Variants in FGF13 observed in about 807,000 individuals in gnomAD.
The protein encoded by FGF13 is fibroblast growth factor 13, also known as fibroblast growth factor homologous factor 2.
Under a neutral mutation model 19.5 loss-of-function variants are expected in FGF13, and 2 were observed. That is an observed-to-expected ratio of 0.10 (90% CI 0.04 to 0.32). The LOEUF is 0.32. Among genes scored for constraint, FGF13 ranks in the 10% least tolerant of loss-of-function variants. FGF13 has a pLI of 1.00. For missense variants in FGF13, 113 were observed against 192.7 expected, an observed-to-expected ratio of 0.59 and a Z score of 2.45; for synonymous variants, 72 against 76.9, an observed-to-expected ratio of 0.94 and a Z score of 0.33.
At position 138,752,600 on chromosome X, in the gene FGF13, C is replaced by T. The variant is rs775519315; in HGVS notation, c.218-43672G>A. ...ACATACATAAATATGCACACTCAGG[C>T]AGAGGTGTGTGATCAGAAAGTTTAT... On this transcript the variant is annotated intron_variant, in intron 3 of 6. Coordinates refer to the FGF13 transcript ENST00000436198. Among the ~76,000 whole-genome samples, 3 of 111,721 alleles carry T rather than the reference C, an allele frequency of 2.7e-5. No homozygotes were observed. The East Asian group carries it at 8.5e-4, about 32-fold the overall frequency.
intron 1 of FGF13, among the ~76,000 whole-genome samples, chrX:138,991,218 A>C (rs1372841186): frequency 8.9e-6 from 1 of 112,407 alleles, no homozygotes; most frequent in Non-Finnish European, 1.9e-5. Context: ...AAATATTATT[A>C]ATGATTACAG....
At chrX:139,066,866 C>G (rs1007356011) in intron 1 of FGF13, among the ~76,000 whole-genome samples, 10 of 110,841 alleles carry the variant, frequency 9.0e-5, no homozygotes, top group African/African-American at 1.3e-4. Flanking sequence ...GATGAACATC[C>G]ATGCGAAAAT....
intron 2 of FGF13, among the ~76,000 whole-genome samples, chrX:138,858,784 G>T (rs1163490262): frequency 9.0e-6 from 1 of 111,595 alleles, no homozygotes; most frequent in African/African-American, 3.3e-5. Flanking sequence ...ATAAACAAAT[G>T]GTGGCTGAAT....
chrX:138,938,091 T>C (rs944241716), intron 1 of FGF13, among the ~76,000 whole-genome samples: 2 of 111,367 alleles, frequency 1.8e-5, no homozygotes, highest in African/African-American at 6.5e-5. Flanking sequence ...GGTGACAACA[T>C]AGGCATATTA....
At chrX:139,110,211 C>A (rs1201696193) in intron 1 of FGF13, among the ~76,000 whole-genome samples, 1 of 108,659 alleles carries the variant, frequency 9.2e-6, no homozygotes, top group Non-Finnish European at 1.9e-5. Flanking sequence ...ATCTTATGTA[C>A]ATATAATGTA....
At chrX:138,895,733 G>T (rs1260840562) in intron 1 of FGF13, among the ~76,000 whole-genome samples, 2 of 111,988 alleles carry the variant, frequency 1.8e-5, no homozygotes, top group Non-Finnish European at 1.9e-5. Context: ...ATTCACAATA[G>T]GCAAGATAAG....
At chrX:139,148,278 T>C (rs2083906872) in intron 1 of FGF13, among the ~76,000 whole-genome samples, 1 of 111,326 alleles carries the variant, frequency 9.0e-6, no homozygotes, top group Non-Finnish European at 1.9e-5. Flanking sequence ...GTTTCCTCAC[T>C]CCACACCCAC....
chrX:139,177,774 T>A (rs2084201115), intron 1 of FGF13, among the ~76,000 whole-genome samples: 1 of 111,494 alleles, frequency 9.0e-6, no homozygotes, highest in African/African-American at 3.3e-5. Flanking sequence ...CACTGGGGTA[T>A]GAAAAAGAAC....
chrX:138,737,960 C>G (rs747273229), intron 1 of FGF13, among the ~76,000 whole-genome samples: 2 of 112,441 alleles, frequency 1.8e-5, no homozygotes, highest in South Asian at 7.4e-4. Context: ...CGATTTTCAT[C>G]ACTAATATTG....
chrX:138,970,295 C>A (rs370626579), intron 1 of FGF13, among the ~76,000 whole-genome samples: 1 of 111,103 alleles, frequency 9.0e-6, no homozygotes, highest in East Asian at 2.8e-4. Flanking sequence ...AATAATTAAG[C>A]GGAGGAAGAG....
chrX:138,860,777 C>T (rs1255719588), intron 2 of FGF13, among the ~76,000 whole-genome samples: 1 of 112,312 alleles, frequency 8.9e-6, no homozygotes, highest in Non-Finnish European at 1.9e-5. Flanking sequence ...TCTGGAAGCC[C>T]CATGCTTTTT....
intron 1 of FGF13, among the ~76,000 whole-genome samples, chrX:138,978,266 G>GTTTTTTTGTTTTTTGTTTTT (rs2091947991): frequency 1.2e-5 from 1 of 82,917 alleles, no homozygotes; most frequent in African/African-American, 4.9e-5. Flanking sequence ...AGCTGCCCTG[G>GTTTTTTTGTTTTTTGTTTTT]TTTTTTTTTT....
intron 1 of FGF13, among the ~76,000 whole-genome samples, chrX:138,723,074 A>G (rs773672428): frequency 9.8e-6 from 1 of 102,325 alleles, no homozygotes; most frequent in South Asian, 4.4e-4. Flanking sequence ...CAGCTAATGG[A>G]TGGTGGAAGT....
chrX:138,658,917 T>TA (rs772769872), intron 3 of FGF13, among the ~76,000 whole-genome samples: 1 of 112,131 alleles, frequency 8.9e-6, no homozygotes, highest in Admixed American at 9.5e-5. Flanking sequence ...TTCTGACAAA[T>TA]ACCTCAAATT....
At chrX:139,013,482 TA>T (rs1306520290) in intron 1 of FGF13, among the ~76,000 whole-genome samples, 1 of 679 alleles carries the variant, frequency 1.5e-3, no homozygotes, top group African/African-American at 2.6e-3. Context: ...GAAAATTTTA[TA>T]TATATATATA....
intron 3 of FGF13, among the ~76,000 whole-genome samples, chrX:138,816,197 A>T (rs1021146364): frequency 8.9e-5 from 10 of 111,929 alleles, no homozygotes; most frequent in African/African-American, 3.2e-4. Flanking sequence ...TATGAAAATA[A>T]GTCACAAGAG....
intron 1 of FGF13, among the ~76,000 whole-genome samples, chrX:138,886,383 A>C (rs1312072998): frequency 8.9e-6 from 1 of 112,533 alleles, no homozygotes; most frequent in East Asian, 2.8e-4. Flanking sequence ...TTTATGAACA[A>C]AGTCAATACT....
intron 1 of FGF13, among the ~76,000 whole-genome samples, chrX:138,723,366 C>T (rs754408218): frequency 8.9e-6 from 1 of 111,963 alleles, no homozygotes; most frequent in East Asian, 2.8e-4. Context: ...ATGGTCATTG[C>T]AGTAATTTCT....
chrX:139,073,624 G>A (rs368427393), intron 1 of FGF13, among the ~76,000 whole-genome samples: 1 of 111,592 alleles, frequency 9.0e-6, no homozygotes, highest in Non-Finnish European at 1.9e-5. Flanking sequence ...GAAGTGATTG[G>A]ACAGCCCCAT....
Sources: gnomAD v4.1 joint callset for allele counts (sites outside exome capture counted in the v4.1 genomes callset) on GRCh38, gnomAD v4.1.1 for gene constraint, MANE v1.5 for transcripts, NCBI Gene and HGNC (gene_info 2026-07-23, HGNC 2026-07-21) for gene names.